KCNQ1OT1: variants seen among roughly 807,000 people sequenced by gnomAD.
KCNQ1OT1 encodes KCNQ1 opposite strand/antisense transcript 1, also known as KCNQ1 antisense RNA 2 (non-protein coding).
chr11:2,688,041 C>T, exon 1 of KCNQ1OT1: 2 of 398,788 alleles, frequency 5.0e-6, no homozygotes, highest in Non-Finnish European at 8.8e-6. Flanking sequence ...GGCACACACT[C>T]CACTCAGCTG....
exon 1 of KCNQ1OT1, chr11:2,685,673 G>C (rs1850475724): frequency 2.5e-6 from 1 of 398,522 alleles, no homozygotes; most frequent in Admixed American, 4.4e-5. Context: ...AAGTTCAGGG[G>C]TCCCATGTGG....
chr11:2,642,245 C>T lies in KCNQ1OT1; in HGVS notation n.57750G>A, dbSNP rs1849591647. On this transcript the variant is annotated non_coding_transcript_exon_variant, in exon 1 of 1. Transcript: ENST00000597346. This position sits in a 1 kb window ranked among gnomAD's most constrained non-coding sequence, Gnocchi z 4.3. ...TTTAATTTTGTTAATTCTCCCAATC[C>T]ATGAGAATGGGATGTTTTTTGTGTG... The T allele has an allele frequency of 7.5e-6, 3 of 398,236 alleles. No individual in the cohort carries two copies. The highest frequency in any genetic ancestry group is 1.3e-5 in the Non-Finnish European group (3 of 225,952). 24.7% of individuals were successfully genotyped at this position (398,236 alleles called of 1,614,324 possible).
In KCNQ1OT1 at chr11:2,626,327, T is replaced by C. The variant is rs1849261892; in HGVS notation, n.73668A>G. ...GTTAATTTTTGTGTATGGTATTAGG[T>C]AAGGGTCTCAACTTCAGTTATCCTG... On this transcript the variant is annotated non_coding_transcript_exon_variant, in exon 1 of 1. Transcript: ENST00000597346. The surrounding 1 kb of genome is among the most constrained non-coding windows in gnomAD (Gnocchi z 4.0). The C allele has an allele frequency of 2.0e-5, 8 of 398,426 alleles. No homozygotes were observed. The Middle Eastern group carries it at 1.9e-3, about 93-fold the overall frequency. The allele number at this position is 398,426 out of a possible 1,614,324, so 24.7% of individuals were successfully genotyped here. A position where few individuals can be genotyped will look rare whatever the true frequency, so the allele number is the denominator to read the frequency against.
At chr11:2,660,338 A>G in exon 1 of KCNQ1OT1, 1 of 398,418 alleles carries the variant, frequency 2.5e-6, no homozygotes, top group Admixed American at 4.4e-5. Flanking sequence ...TAGTGAAATT[A>G]GGAATAAATT....
At chr11:2,628,491 T>C in exon 1 of KCNQ1OT1, 1 of 398,456 alleles carries the variant, frequency 2.5e-6, no homozygotes, top group South Asian at 1.3e-4. Context: ...TTAATTGGGT[T>C]ATTAAGTTTT....
At position 2,653,573 on chromosome 11, in the gene KCNQ1OT1, G is replaced by C. The variant is rs1849791228; in HGVS notation, n.46422C>G. On this transcript the variant is annotated non_coding_transcript_exon_variant, in exon 1 of 1. Coordinates refer to ENST00000597346, the Ensembl canonical transcript of KCNQ1OT1. This position sits in a 1 kb window ranked among gnomAD's most constrained non-coding sequence, Gnocchi z 5.3. Reference sequence around the variant, plus strand: ...CTTCTCCCTTCCCGTTCCCTCTTTTGTTCTCCCTTTCCCTTGCTCTCTATC... The same window carrying C: ...CTTCTCCCTTCCCGTTCCCTCTTTTCTTCTCCCTTTCCCTTGCTCTCTATC... The C allele has an allele frequency of 2.5e-6, 1 of 398,628 alleles. No individual in the cohort carries two copies. The highest frequency in any genetic ancestry group is 2.1e-5 in the African/African-American group (1 of 48,690). The allele number at this position is 398,628 out of a possible 1,614,324, so 24.7% of individuals were successfully genotyped here.
chr11:2,687,015 G>A lies in KCNQ1OT1; in HGVS notation n.12980C>T, dbSNP rs1850501178. 2.5e-6 allele frequency: 1 copy of A among 398,656 alleles called. No homozygotes were observed. The highest frequency in any genetic ancestry group is 1.3e-4 in the South Asian group (1 of 7,858). 24.7% of individuals were successfully genotyped at this position (398,656 alleles called of 1,614,324 possible). A position where few individuals can be genotyped will look rare whatever the true frequency, so the allele number is the denominator to read the frequency against. On this transcript the variant is annotated non_coding_transcript_exon_variant, in exon 1 of 1. Transcript: ENST00000597346. This position sits in a 1 kb window ranked among gnomAD's most constrained non-coding sequence, Gnocchi z 5.0. ...CTGACTTGCTAAGATGGGAGCAAGA[G>A]CTTAGGGCTAAAACTCAGCAGTCCC... is the stretch of plus-strand genomic sequence containing the variant.
rs566559310 is a variant in KCNQ1OT1 at position 2,645,073 on chromosome 11, C to T, written n.54922G>A. The T allele has an allele frequency of 9.5e-4, 379 of 398,694 alleles. 1 individual carries two copies. Among genetic ancestry groups the T allele is most frequent in the Middle Eastern group, 1.9e-3 (3 of 1,588 alleles). 24.7% of individuals were successfully genotyped at this position (398,694 alleles called of 1,614,324 possible). ...TGCCAATGATGACAGAGCTGGGCCACAGGGTGGGTAGGTCCTTGAGCTCTG... is the reference window on the plus strand; with the variant it reads ...TGCCAATGATGACAGAGCTGGGCCATAGGGTGGGTAGGTCCTTGAGCTCTG... On this transcript the variant is annotated non_coding_transcript_exon_variant, in exon 1 of 1. Coordinates refer to ENST00000597346, the Ensembl canonical transcript of KCNQ1OT1. The surrounding 1 kb of genome is among the most constrained non-coding windows in gnomAD (Gnocchi z 5.8).
At chr11:2,694,002 GC>G (rs1458468889) in exon 1 of KCNQ1OT1, 2 of 398,590 alleles carry the variant, frequency 5.0e-6, no homozygotes, top group Non-Finnish European at 8.8e-6. Flanking sequence ...GCCTCTCTAG[GC>G]CACCTCCAAC....
In KCNQ1OT1 at chr11:2,658,418, T is replaced by A. The variant is rs1037833480; in HGVS notation, n.41577A>T. On this transcript the variant is annotated non_coding_transcript_exon_variant, in exon 1 of 1. Coordinates refer to ENST00000597346, the Ensembl canonical transcript of KCNQ1OT1. The surrounding 1 kb of genome is among the most constrained non-coding windows in gnomAD (Gnocchi z 4.9). ...TTATTTATTTTGTTGCTCAAATTGT[T>A]CAAGCTGTGGCCACTGGTGGGTTCA... The A allele has an allele frequency of 5.0e-6, 2 of 398,604 alleles. No homozygotes were observed. The highest frequency in any genetic ancestry group is 4.1e-5 in the African/African-American group (2 of 48,742). 24.7% of individuals were successfully genotyped at this position (398,604 alleles called of 1,614,324 possible).
exon 1 of KCNQ1OT1, chr11:2,675,505 C>A: frequency 2.5e-6 from 1 of 398,672 alleles, no homozygotes; most frequent in East Asian, 3.6e-5. Flanking sequence ...ATAGCAGTCA[C>A]AACATGCCAT....
At chr11:2,638,598 G>T (rs1849518414) in exon 1 of KCNQ1OT1, 1 of 152,190 alleles carries the variant, frequency 6.6e-6, no homozygotes, top group Admixed American at 6.5e-5. Context: ...CTCTCTGGCT[G>T]CCCTTAACAT....
exon 1 of KCNQ1OT1, chr11:2,632,335 T>G: frequency 5.0e-6 from 2 of 398,496 alleles, no homozygotes; most frequent in Non-Finnish European, 8.8e-6. Context: ...ATAATTTTAA[T>G]TCTTCCTTTC....
chr11:2,646,838 T>C, exon 1 of KCNQ1OT1: 1 of 398,682 alleles, frequency 2.5e-6, no homozygotes, highest in African/African-American at 2.1e-5. Flanking sequence ...GTTTGTTGAT[T>C]TTTTTATCCT....
At chr11:2,619,751 T>C (rs1474112436) in exon 1 of KCNQ1OT1, 1 of 398,354 alleles carries the variant, frequency 2.5e-6, no homozygotes, top group Non-Finnish European at 4.4e-6. Flanking sequence ...AGCTGCATTT[T>C]TTTGGAAGAG....
At chr11:2,614,702 C>A (rs1037584128) in exon 1 of KCNQ1OT1, 7 of 398,278 alleles carry the variant, frequency 1.8e-5, no homozygotes, top group African/African-American at 1.4e-4. Context: ...GTGTTTATTT[C>A]TACATTCTCT....
exon 1 of KCNQ1OT1, chr11:2,667,188 C>T: frequency 2.5e-6 from 1 of 398,732 alleles, no homozygotes; most frequent in Non-Finnish European, 4.4e-6. Flanking sequence ...ATCAGCCCAG[C>T]TGTGGCGGCC....
exon 1 of KCNQ1OT1, chr11:2,631,197 T>C (rs1564839111): frequency 5.0e-6 from 2 of 398,364 alleles, no homozygotes; most frequent in Non-Finnish European, 8.8e-6. Context: ...CCTCTCTACT[T>C]TCCTTCTATA....
Position 2,665,860 on chromosome 11 carries a change from C to T in KCNQ1OT1, n.34135G>A, listed in dbSNP as rs541051780. The T allele has an allele frequency of 8.6e-4, 341 of 398,596 alleles. 1 individual carries two copies. The highest frequency in any genetic ancestry group is 1.4e-3 in the Non-Finnish European group (306 of 226,228). 24.7% of individuals were successfully genotyped at this position (398,596 alleles called of 1,614,324 possible). A position where few individuals can be genotyped will look rare whatever the true frequency, so the allele number is the denominator to read the frequency against. The stretch of plus-strand genomic sequence containing the variant: ...ACAGGGCTAGGGGCCTGAGGATCTG[C>T]GGCTCTGAACTTGGGGGCTGTGTGC... On this transcript the variant is annotated non_coding_transcript_exon_variant, in exon 1 of 1. Transcript: ENST00000597346.
Sources: gnomAD v4.1 joint callset for allele counts on GRCh38, gnomAD v4.1.1 for gene constraint, Gnocchi (gnomAD v3.1) non-coding constraint, MANE v1.5 for transcripts, NCBI Gene and HGNC (gene_info 2026-07-23, HGNC 2026-07-21) for gene names.